The following SRRM3 variants were observed in gnomAD, a reference collection of about 807,000 sequenced individuals.
SRRM3 encodes serine/arginine repetitive matrix protein 3.
SRRM3 carries 27 observed loss-of-function variants against 66.2 expected under a neutral mutation model. The ratio of observed to expected loss-of-function variants is 0.41; its 90% CI spans 0.30 to 0.56. SRRM3 has a LOEUF of 0.56. Among genes scored for constraint, SRRM3 ranks in the 20% least tolerant of loss-of-function variants. The pLI is 0.32. For synonymous variants in SRRM3, 391 were observed against 414.9 expected (o/e 0.94, Z 0.70); for missense variants, 918 against 991.9 (o/e 0.93, Z 1.00).
At chr7:76,207,383 A>C (rs1234398458) in intron 1 of SRRM3, among the ~76,000 whole-genome samples, 1 of 152,198 alleles carries the variant, frequency 6.6e-6, no homozygotes, top group Non-Finnish European at 1.5e-5. Flanking sequence ...TACAGAAACC[A>C]AGGAGAAAAT....
In SRRM3 at chr7:76,285,586, G is replaced by A. The variant is rs970795681; in HGVS notation, c.1734-29G>A. On this transcript the variant is annotated intron_variant, in intron 14 of 14. Transcript: ENST00000611745. The surrounding 1 kb of genome is among the most constrained non-coding windows in gnomAD (Gnocchi z 4.1). ...GGGATGGGGCTCGGGGCCTGGGATG[G>A]CCTGTAATCAGCTTTTTCTTCCCGG... 33 of 1,534,812 alleles carry A rather than the reference G, an allele frequency of 2.2e-5. No individual in the cohort carries two copies. In the Admixed American group the frequency reaches 5.5e-4, roughly 26 times the overall value.
intron 1 of SRRM3, among the ~76,000 whole-genome samples, chr7:76,218,674 C>CTTTTTTTTTTTTTTTTTTTTTTTT (rs11349335): frequency 1.3e-5 from 1 of 76,274 alleles, no homozygotes; most frequent in Admixed American, 2.1e-4. Flanking sequence ...GCTTTCTTTT[C>CTTTTTTTTTTTTTTTTTTTTTTTT]TTTTTTTTTT....
At chr7:76,214,076 C>A (rs1800500299) in intron 1 of SRRM3, among the ~76,000 whole-genome samples, 1 of 152,154 alleles carries the variant, frequency 6.6e-6, no homozygotes, top group Admixed American at 6.5e-5. Context: ...CTGCGCCCAA[C>A]CCTCTCTGGG....
At chr7:76,227,097 G>T (rs1253816721) in intron 1 of SRRM3, among the ~76,000 whole-genome samples, 1 of 136,576 alleles carries the variant, frequency 7.3e-6, no homozygotes, top group African/African-American at 2.7e-5. Context: ...GACTTCCCAT[G>T]TGCTGCTCTC....
At chr7:76,282,589 C>CCCCCCCCCCCCCCCTT in intron 12 of SRRM3, 59 bp from the exon 13 acceptor site, 1 of 959,182 alleles carries the variant, frequency 1.0e-6, no homozygotes, top group East Asian at 3.4e-5. Context: ...GAACCCTCCC[C>CCCCCCCCCCCCCCCTT]GCCCCCAGCC....
In SRRM3 at chr7:76,236,005, C is replaced by CAAAAAAA. The variant is rs1161706465; in HGVS notation, c.233+725_233+731dup. 3.9e-4 allele frequency among the ~76,000 whole-genome samples: 8 copies of CAAAAAAA among 20,274 alleles called. 1 individual carries two copies. The highest frequency in any genetic ancestry group is 1.3e-3 in the African/African-American group (8 of 6,224). The allele number at this position is 20,274 out of a possible 152,430, so 13.3% of individuals were successfully genotyped here. A position where few individuals can be genotyped will look rare whatever the true frequency, so the allele number is the denominator to read the frequency against. ...TGGGCAACAGATCGAGATTCTGTCT[C>CAAAAAAA]AAAAAAAAAAAAAAAAAAAAAAAAA... On this transcript the variant is annotated intron_variant, in intron 2 of 14. Transcript: ENST00000611745.
At chr7:76,260,268 G>T (rs1801823048) in intron 5 of SRRM3, 71 bp downstream of exon 5, 15 of 1,212,594 alleles carry the variant, frequency 1.2e-5, no homozygotes, top group Non-Finnish European at 1.7e-5. Context: ...CCCGTCCCTG[G>T]CTCACAACCA....
intron 2 of SRRM3, among the ~76,000 whole-genome samples, chr7:76,240,380 G>A (rs982543410): frequency 2.0e-5 from 3 of 151,996 alleles, no homozygotes; most frequent in Admixed American, 1.3e-4. Context: ...CAGCACTTTG[G>A]GAGGCCGAGG....
At chr7:76,253,787 CAAAA>C (rs782083114) in intron 3 of SRRM3, among the ~76,000 whole-genome samples, 1 of 64,768 alleles carries the variant, frequency 1.5e-5, no homozygotes, top group Non-Finnish European at 3.2e-5. Context: ...AACTCTGTTT[CAAAA>C]AAAAAAAAAA....
At chr7:76,209,798 G>A (rs1800385707) in intron 1 of SRRM3, among the ~76,000 whole-genome samples, 1 of 152,006 alleles carries the variant, frequency 6.6e-6, no homozygotes, top group Non-Finnish European at 1.5e-5. Context: ...TAGAGATGGG[G>A]TTTTGCTATG....
At chr7:76,247,823 T>A (rs1157619445) in intron 2 of SRRM3, among the ~76,000 whole-genome samples, 1 of 152,046 alleles carries the variant, frequency 6.6e-6, no homozygotes, top group Non-Finnish European at 1.5e-5. Context: ...GCCTCCTGAG[T>A]AGCGGGGATT....
intron 14 of SRRM3, chr7:76,283,569 A>ACCCCT (rs1563643955): frequency 2.2e-6 from 1 of 453,876 alleles, no homozygotes; most frequent in Non-Finnish European, 4.4e-6. Flanking sequence ...GGCCAGGCGG[A>ACCCCT]CCCCTCTGCA....
At chr7:76,210,158 G>T (rs1304603174) in intron 1 of SRRM3, among the ~76,000 whole-genome samples, 2 of 152,170 alleles carry the variant, frequency 1.3e-5, no homozygotes, top group Admixed American at 6.5e-5. Flanking sequence ...TGGGCAACCT[G>T]CCCCCTACAC....
At chr7:76,217,009 C>T (rs1444729923) in intron 1 of SRRM3, among the ~76,000 whole-genome samples, 1 of 152,162 alleles carries the variant, frequency 6.6e-6, no homozygotes, top group Non-Finnish European at 1.5e-5. Context: ...ATTGTATGGG[C>T]AGTGGAGGCA....
intron 11 of SRRM3, chr7:76,273,358 G>C (rs560238634): frequency 6.6e-6 from 1 of 152,206 alleles, no homozygotes; most frequent in Non-Finnish European, 1.5e-5. Flanking sequence ...AATAAAGAAA[G>C]CTTGGCTAGT....
intron 1 of SRRM3, among the ~76,000 whole-genome samples, chr7:76,205,354 C>A (rs1396087699): frequency 6.6e-6 from 1 of 152,136 alleles, no homozygotes; most frequent in Non-Finnish European, 1.5e-5. Flanking sequence ...GGACTACAGG[C>A]ATGTGCCACC....
chr7:76,282,995 T>G lies in SRRM3; in HGVS notation c.1627T>G (p.Ser543Ala), dbSNP rs1257627215. 2.7e-6 allele frequency: 4 copies of G among 1,457,160 alleles called. No individual in the cohort carries two copies. The highest frequency in any genetic ancestry group is 3.6e-6 in the Non-Finnish European group (4 of 1,110,928). 90.3% of individuals were successfully genotyped at this position (1,457,160 alleles called of 1,614,324 possible). Residue 543 changes from serine to alanine, a missense_variant, in exon 14 of 15, where the codon TCT (serine) becomes GCT (alanine). Physicochemically the swap from Ser to Ala is moderately conservative, Grantham distance 99. Coordinates refer to ENST00000611745, the MANE Select transcript of SRRM3 (RefSeq NM_001110199.3). ...DKDGEGRARHSEAEATRARRR... is the reference protein window; with the variant it reads ...DKDGEGRARHAEAEATRARRR... ...GGACGGCGAGGGCCGCGCAAGGCAC[T>G]CTGAGGCCGAGGCCACCCGCGCCCG...
chr7:76,235,155 G>A lies in SRRM3; in HGVS notation c.89G>A (p.Gly30Glu), dbSNP rs1801110352. The A allele has an allele frequency of 6.4e-7, 1 of 1,558,378 alleles. No homozygotes were observed. The highest frequency in any genetic ancestry group is 1.9e-5 in the Admixed American group (1 of 53,152). ...NGFPQPSSSSGTWPRAEEELR... is the reference protein window; with the variant it reads ...NGFPQPSSSSETWPRAEEELR... ...TTCCCGCAGCCCAGCTCCTCCTCGG[G>A]GACCTGGCCGCGGGCGGAAGAGGAG... The change falls in exon 2 of 15, where the codon GGG (glycine) becomes GAG (glutamate). Residue 30 changes from glycine to glutamate, a missense_variant. Transcript: ENST00000611745.
chr7:76,217,650 C>T (rs1554602729), intron 1 of SRRM3, among the ~76,000 whole-genome samples: 1 of 152,118 alleles, frequency 6.6e-6, no homozygotes, highest in Non-Finnish European at 1.5e-5. Flanking sequence ...AATGTCAGAG[C>T]CCACCACTGC....
Sources: gnomAD v4.1 joint callset for allele counts (sites outside exome capture counted in the v4.1 genomes callset) on GRCh38, gnomAD v4.1.1 for gene constraint, Gnocchi (gnomAD v3.1) non-coding constraint, MANE v1.5 for transcripts, NCBI Gene and HGNC (gene_info 2026-07-23, HGNC 2026-07-21) for gene names.